AMOTL2: variants seen among roughly 807,000 people sequenced by gnomAD.
AMOTL2 encodes the protein angiomotin-like protein 2.
In AMOTL2, 33 loss-of-function variants were observed where a neutral mutation model predicts 78.4. That is an observed-to-expected ratio of 0.42 (90% CI 0.32 to 0.56). The LOEUF is 0.56. Among genes scored for constraint, AMOTL2 ranks in the 20% least tolerant of loss-of-function variants. AMOTL2 has a pLI of 0.12. For missense variants in AMOTL2, 983 were observed against 1,030.1 expected, an observed-to-expected ratio of 0.95 and a Z score of 0.63; for synonymous variants, 422 against 428.8, an observed-to-expected ratio of 0.98 and a Z score of 0.20.
rs1198598961 is a variant in AMOTL2, at chr3:134,365,840, A to G, written c.1256T>C (p.Met419Thr). Residue 419 changes from methionine (M) to threonine (T), a missense_variant, in exon 5 of 10, where the codon ATG (methionine) becomes ACG (threonine). Physicochemically the swap from Met to Thr is moderately conservative, Grantham distance 81. Transcript: ENST00000249883. ...TQEAQAGSQD[M>T]VAKLLAQSYE... ...ACTCTGAGCAAGCAGCTTGGCCACCATGTCCTGACTGCCGGCCTGGGCCTC... is the reference window on the plus strand; with the variant it reads ...ACTCTGAGCAAGCAGCTTGGCCACCGTGTCCTGACTGCCGGCCTGGGCCTC... 4 of 1,614,072 alleles carry G rather than the reference A, an allele frequency of 2.5e-6. No individual in the cohort carries two copies. The highest frequency in any genetic ancestry group is 2.2e-5 in the East Asian group (1 of 44,898).
chr3:134,371,204 T>C lies in AMOTL2; in HGVS notation c.230A>G (p.Gln77Arg). The change falls in exon 2 of 10, where the codon CAG (glutamine) becomes CGG (arginine). Residue 77 changes from glutamine to arginine, a missense_variant. Gln to Arg is a conservative substitution (Grantham distance 43). Coordinates refer to ENST00000249883, the MANE Select transcript of AMOTL2 (RefSeq NM_016201.4). ...GTGGTTCTCACCGCCCTGGTGCTCC[T>C]GGCCCTGGGGCTCCTGCCTGGTGGC... ...QQATRQEPQGQEHQGGENHLA... is the reference protein window; with the variant it reads ...QQATRQEPQGREHQGGENHLA... 2 of 1,613,740 alleles carry C rather than the reference T, an allele frequency of 1.2e-6. No homozygotes were observed. The highest frequency in any genetic ancestry group is 2.2e-5 in the East Asian group (1 of 44,872).
chr3:134,359,149 G>C (rs2017221843), intron 8 of AMOTL2, 134 bp downstream of exon 8: 1 of 973,532 alleles, frequency 1.0e-6, no homozygotes, highest in African/African-American at 1.6e-5. Context: ...CAGAGAATAA[G>C]CCAGCTCCCC....
At position 134,374,362 on chromosome 3, in the gene AMOTL2, C is replaced by T; in HGVS notation, c.-82G>A. The T allele has an allele frequency of 1.0e-6, 1 of 970,582 alleles. No homozygotes were observed. Among genetic ancestry groups the T allele is most frequent in the African/African-American group, 1.8e-5 (1 of 54,794 alleles). The allele number at this position is 970,582 out of a possible 1,614,324, so 60.1% of individuals were successfully genotyped here. ...CTTACCGCTGCGGCCCGAGGGTGCC[C>T]AGCGCAGTCAGACACCACAACCTCC... On this transcript the variant is annotated 5_prime_UTR_variant, in exon 1 of 10. Coordinates refer to ENST00000249883, the MANE Select transcript of AMOTL2 (RefSeq NM_016201.4).
At position 134,368,569 on chromosome 3, in the gene AMOTL2, T is replaced by A. The variant is rs145085839; in HGVS notation, c.735-766A>T. Among the ~76,000 whole-genome samples, 84 of 152,210 alleles carry A rather than the reference T, an allele frequency of 5.5e-4. 1 individual carries two copies. In the East Asian group the frequency reaches 0.014, roughly 26 times the overall value. On this transcript the variant is annotated intron_variant, in intron 2 of 9. Coordinates refer to ENST00000249883, the MANE Select transcript of AMOTL2 (RefSeq NM_016201.4). ...GCATTGCTCTGTTGCATCATGAGGG[T>A]CTCCAGCCTCGCTGGGATTTGTTGA...
upstream of AMOTL2, chr3:134,374,655 G>C (rs2018022604): frequency 1.0e-6 from 1 of 982,706 alleles, no homozygotes; most frequent in South Asian, 4.7e-5. Flanking sequence ...GCTGCTGGCC[G>C]AGCGCCGGCC....
At chr3:134,361,186 C>T (rs1245273183) in intron 6 of AMOTL2, among the ~76,000 whole-genome samples, 3 of 151,886 alleles carry the variant, frequency 2.0e-5, no homozygotes, top group African/African-American at 4.8e-5. Context: ...AAAAAAAGCT[C>T]GCAGGCCTTC....
intron 1 of AMOTL2, chr3:134,372,058 T>C (rs10755085): frequency 0.62 from 95,784 of 154,824 alleles, 30,174 homozygotes; most frequent in East Asian, 0.92. Context: ...GCGAAAGGCC[T>C]CTAGGACCCT....
upstream of AMOTL2, chr3:134,374,724 C>T: frequency 1.0e-6 from 1 of 986,308 alleles, no homozygotes; most frequent in Non-Finnish European, 1.2e-6. Context: ...TGTGTCCGCC[C>T]CTGCCCCATG....
In AMOTL2 at chr3:134,361,726, C is replaced by T. The variant is rs543579880; in HGVS notation, c.1361G>A (p.Arg454His). The stretch of plus-strand genomic sequence containing the variant: ...CAGAGCCTGCTCCAGCAGCTCGGCA[C>T]GCCGCCGCTGGTCCTCGATGGCGCC... ...LRGAIEDQRR[R>H]AELLEQALGN... The change falls in exon 6 of 10, where the codon CGT becomes CAT. Residue 454 changes from arginine to histidine, a missense_variant. By Grantham distance (29) the Arg-to-His change is conservative. Transcript: ENST00000249883. The T allele has an allele frequency of 3.1e-5, 50 of 1,607,892 alleles. 1 individual carries two copies. The highest frequency in any genetic ancestry group is 2.5e-4 in the East Asian group (11 of 44,660).
At chr3:134,358,812 G>A in intron 8 of AMOTL2, 93 bp from the exon 9 acceptor site, 1 of 1,452,040 alleles carries the variant, frequency 6.9e-7, no homozygotes, top group South Asian at 1.2e-5. Context: ...GGGGATTCAA[G>A]GTGGAGTGGG....
chr3:134,365,975 C>T (rs182228425), intron 4 of AMOTL2, 66 bp from the exon 5 acceptor site: 15 of 1,500,346 alleles, frequency 1.0e-5, no homozygotes, highest in Admixed American at 6.8e-5. Flanking sequence ...TTTTTCCTGA[C>T]GTCCTATCAG....
chr3:134,374,681 G>C (rs1239032878), upstream of AMOTL2: 2 of 981,980 alleles, frequency 2.0e-6, no homozygotes, highest in African/African-American at 3.5e-5. Flanking sequence ...CCCGAGCTCC[G>C]TTCCTCCGCG....
chr3:134,358,755 T>G (rs747490100), intron 8 of AMOTL2, 36 bp from the exon 9 acceptor site: 1 of 1,610,636 alleles, frequency 6.2e-7, no homozygotes, highest in South Asian at 1.1e-5. Context: ...GCCATGCCTG[T>G]AAGATGTGGC....
rs1033031609 is a variant in AMOTL2, at chr3:134,356,180, T to C, written c.*1525A>G. On this transcript the variant is annotated 3_prime_UTR_variant, in exon 10 of 10. Transcript: ENST00000249883. ...AAACAATGCACATGAACCAAATGTATTTTTCAGCTTTAAACAGGGGTAGGG... is the reference window on the plus strand; with the variant it reads ...AAACAATGCACATGAACCAAATGTACTTTTCAGCTTTAAACAGGGGTAGGG... 3.9e-5 allele frequency: 6 copies of C among 152,608 alleles called. No individual in the cohort carries two copies. The highest frequency in any genetic ancestry group is 9.7e-5 in the African/African-American group (4 of 41,446). 9.5% of individuals were successfully genotyped at this position (152,608 alleles called of 1,614,324 possible).
At chr3:134,373,947 A>C in intron 1 of AMOTL2, 1 of 583,098 alleles carries the variant, frequency 1.7e-6, no homozygotes, top group Non-Finnish European at 2.2e-6. Context: ...GGCACCTGTA[A>C]CCCCCACCTA....
Position 134,355,964 on chromosome 3 carries a change from C to T in AMOTL2, c.*1741G>A, listed in dbSNP as rs1219348257. ...GTACAGGGTGGCATAACAAAACAGC[C>T]ATGTTTACATTTTAAATATTTACGA... is the stretch of plus-strand genomic sequence containing the variant. On this transcript the variant is annotated 3_prime_UTR_variant, in exon 10 of 10. Transcript: ENST00000249883. 1 of 152,600 alleles carries T rather than the reference C, an allele frequency of 6.6e-6. No homozygotes were observed. The highest frequency in any genetic ancestry group is 1.9e-4 in the East Asian group (1 of 5,200). The allele number at this position is 152,600 out of a possible 1,614,324, so 9.5% of individuals were successfully genotyped here. A position where few individuals can be genotyped will look rare whatever the true frequency, so the allele number is the denominator to read the frequency against.
intron 2 of AMOTL2, among the ~76,000 whole-genome samples, chr3:134,369,562 C>T (rs1404743911): frequency 6.6e-6 from 1 of 152,204 alleles, no homozygotes; most frequent in Non-Finnish European, 1.5e-5. Context: ...AAGTGCGAGT[C>T]TGGAGGGGTG....
intron 1 of AMOTL2, chr3:134,373,944 GTAA>G: frequency 1.6e-6 from 1 of 621,244 alleles, no homozygotes; most frequent in Non-Finnish European, 2.0e-6. Context: ...AAAGGCACCT[GTAA>G]CCCCCACCTA....
At chr3:134,360,750 T>G (rs2107737416) in intron 6 of AMOTL2, among the ~76,000 whole-genome samples, 1 of 152,152 alleles carries the variant, frequency 6.6e-6, no homozygotes, top group South Asian at 2.1e-4. Flanking sequence ...CAAGGGTAGG[T>G]TTGGGAGTGG....
Sources: gnomAD v4.1 joint callset for allele counts (sites outside exome capture counted in the v4.1 genomes callset) on GRCh38, gnomAD v4.1.1 for gene constraint, MANE v1.5 for transcripts, NCBI Gene and HGNC (gene_info 2026-07-23, HGNC 2026-07-21) for gene names.